The following NCEH1 variants were observed in gnomAD, a reference collection of about 807,000 sequenced individuals.
NCEH1 encodes the protein 2-acetyl MAGE hydrolase.
Under a neutral mutation model 25.4 loss-of-function variants are expected in NCEH1, and 9 were observed. That is an observed-to-expected ratio of 0.35 (90% CI 0.21 to 0.62). The LOEUF is 0.62. Among genes scored for constraint, NCEH1 ranks in the 20% least tolerant of loss-of-function variants. The pLI, the probability that NCEH1 is intolerant of heterozygous loss-of-function variation, is 0.72. For missense variants in NCEH1, 412 were observed against 501.1 expected (o/e 0.82, Z 1.70); for synonymous variants, 200 against 199.8 (o/e 1.00, Z -0.01).
intron 1 of NCEH1, among the ~76,000 whole-genome samples, chr3:172,680,178 G>A (rs1712260470): frequency 6.6e-6 from 1 of 152,132 alleles, no homozygotes; most frequent in African/African-American, 2.4e-5. Flanking sequence ...AATTAAAGGT[G>A]TGAAATAGAC....
At chr3:172,680,640 A>C (rs1337527303) in intron 1 of NCEH1, 1 of 144,032 alleles carries the variant, frequency 6.9e-6, no homozygotes, top group Non-Finnish European at 1.5e-5. Flanking sequence ...ATGACAGCCT[A>C]CTTTGGGGCC....
At chr3:172,652,596 TGAAGG>T (rs1717453089) in intron 1 of NCEH1, among the ~76,000 whole-genome samples, 1 of 152,238 alleles carries the variant, frequency 6.6e-6, no homozygotes, top group Non-Finnish European at 1.5e-5. Flanking sequence ...ACCTAAAGGA[TGAAGG>T]CTTAAAATAT....
In NCEH1 at chr3:172,630,269, A is replaced by G. The variant is rs564601303; in HGVS notation, c.*3206T>C. Reference sequence around the variant, plus strand: ...TAAACTCAAGTGTGAAATTAGATTTATTTGTAATGACAAGGTCAGTTTGAG... The same window carrying G: ...TAAACTCAAGTGTGAAATTAGATTTGTTTGTAATGACAAGGTCAGTTTGAG... On this transcript the variant is annotated 3_prime_UTR_variant, in exon 5 of 5. Transcript: ENST00000475381. 6 of 152,380 alleles carry G rather than the reference A, an allele frequency of 3.9e-5. No homozygotes were observed. The South Asian group carries it at 1.2e-3, about 32-fold the overall frequency. The allele number at this position is 152,380 out of a possible 1,614,324, so 9.4% of individuals were successfully genotyped here. A position where few individuals can be genotyped will look rare whatever the true frequency, so the allele number is the denominator to read the frequency against.
chr3:172,703,527 CAAAA>C (rs11462899), intron 1 of NCEH1, among the ~76,000 whole-genome samples: 1 of 80,604 alleles, frequency 1.2e-5, no homozygotes, highest in African/African-American at 4.7e-5. Flanking sequence ...GACTCTGTCT[CAAAA>C]AAAAAAAAAA....
At chr3:172,701,409 T>G (rs1039473257) in intron 1 of NCEH1, among the ~76,000 whole-genome samples, 7 of 150,748 alleles carry the variant, frequency 4.6e-5, no homozygotes, top group Admixed American at 2.0e-4. Context: ...TGTTAGTTCA[T>G]GCTCTCACCT....
At chr3:172,662,750 C>A (rs1417266686) in intron 1 of NCEH1, among the ~76,000 whole-genome samples, 3 of 152,110 alleles carry the variant, frequency 2.0e-5, no homozygotes, top group African/African-American at 7.2e-5. Flanking sequence ...AGTTTATTTG[C>A]GTAGAGGTGT....
chr3:172,679,695 G>A (rs1413123547), intron 1 of NCEH1, among the ~76,000 whole-genome samples: 2 of 152,008 alleles, frequency 1.3e-5, no homozygotes, highest in Non-Finnish European at 2.9e-5. Flanking sequence ...TAACAGAAAA[G>A]GTGGCTTAAA....
chr3:172,673,374 A>G lies in NCEH1; in HGVS notation c.139-25260T>C, dbSNP rs189411545. Among the ~76,000 whole-genome samples, 168 of 152,324 alleles carry G rather than the reference A, an allele frequency of 1.1e-3. 1 individual carries two copies. Among genetic ancestry groups the G allele is most frequent in the African/African-American group, 3.6e-3 (149 of 41,576 alleles). On this transcript the variant is annotated intron_variant, in intron 1 of 4. Transcript: ENST00000475381. ...GCAAACAGCCAGTGAAGCAAGAGGT[A>G]CATAAAGCAGGAGAGGCAGTAGTCA...
In NCEH1 at chr3:172,653,197, G is replaced by A. The variant is rs142435454; in HGVS notation, c.139-5083C>T. On this transcript the variant is annotated intron_variant, in intron 1 of 4. Coordinates refer to ENST00000475381, the MANE Select transcript of NCEH1 (RefSeq NM_020792.6). Reference sequence around the variant, plus strand: ...AGAATTCTGCCTAATGAGATGGAAGGGGATAAAGGGTACTCATTACGCCCC... The same window carrying A: ...AGAATTCTGCCTAATGAGATGGAAGAGGATAAAGGGTACTCATTACGCCCC... Among the ~76,000 whole-genome samples, 76 of 152,198 alleles carry A rather than the reference G, an allele frequency of 5.0e-4. No homozygotes were observed. The East Asian group carries it at 0.014, about 29-fold the overall frequency.
At chr3:172,647,837 C>T (rs1359456790) in intron 2 of NCEH1, 49 bp downstream of exon 2, 6 of 1,608,840 alleles carry the variant, frequency 3.7e-6, no homozygotes, top group Non-Finnish European at 4.2e-6. Flanking sequence ...ACGCATCTCC[C>T]CCAAGGCCAA....
At chr3:172,700,260 T>C (rs773561294) in intron 1 of NCEH1, among the ~76,000 whole-genome samples, 7 of 152,110 alleles carry the variant, frequency 4.6e-5, no homozygotes, top group Non-Finnish European at 8.8e-5. Flanking sequence ...TCATACAGAT[T>C]TCCCCAAAAT....
intron 1 of NCEH1, among the ~76,000 whole-genome samples, chr3:172,667,217 G>A (rs1293589986): frequency 1.3e-5 from 2 of 152,178 alleles, no homozygotes; most frequent in Non-Finnish European, 2.9e-5. Context: ...CGGCCATTCG[G>A]TTCCTATGTA....
chr3:172,697,091 ATT>A (rs774616762), intron 1 of NCEH1, among the ~76,000 whole-genome samples: 2 of 144,518 alleles, frequency 1.4e-5, no homozygotes, highest in Non-Finnish European at 1.5e-5. Flanking sequence ...TGCCCAGCTA[ATT>A]TTTTTTTTTT....
intron 1 of NCEH1, among the ~76,000 whole-genome samples, chr3:172,661,827 C>T (rs1483307792): frequency 3.1e-5 from 4 of 131,080 alleles, no homozygotes; most frequent in Non-Finnish European, 7.1e-5. Flanking sequence ...GATTTTGTAT[C>T]CTGAGACTTT....
chr3:172,670,646 T>A (rs949447118), intron 1 of NCEH1, among the ~76,000 whole-genome samples: 2 of 152,190 alleles, frequency 1.3e-5, no homozygotes, highest in African/African-American at 4.8e-5. Context: ...ATCCTCCCCA[T>A]ATATTGGCAG....
intron 3 of NCEH1, among the ~76,000 whole-genome samples, chr3:172,639,063 G>C (rs748065578): frequency 2.6e-5 from 4 of 152,122 alleles, no homozygotes; most frequent in Non-Finnish European, 2.9e-5. Flanking sequence ...CACCTGGGGA[G>C]GCCAAGGTGC....
intron 1 of NCEH1, among the ~76,000 whole-genome samples, chr3:172,688,869 T>C (rs1712862047): frequency 6.6e-6 from 1 of 152,158 alleles, no homozygotes; most frequent in Non-Finnish European, 1.5e-5. Flanking sequence ...CATGCAGGAT[T>C]CTACAACCCA....
chr3:172,651,852 C>T (rs1374466610), intron 1 of NCEH1, among the ~76,000 whole-genome samples: 1 of 152,146 alleles, frequency 6.6e-6, no homozygotes, highest in Non-Finnish European at 1.5e-5. Context: ...AGCCACCGCG[C>T]CCGGCCGAGA....
rs746723733 is a variant in NCEH1 at position 172,710,973 on chromosome 3, G to A, written c.12C>T (p.Ser4=). MRS[S]CVLLTALVAL... ...CCACCAGGGCGGTGAGCAGGACACA[G>A]GACGACCTCATCTTGCCCTGGCTCG... The change falls in exon 1 of 5, where the codon TCC becomes TCT. Residue 4 remains serine (S), a synonymous_variant. Coordinates refer to ENST00000475381, the MANE Select transcript of NCEH1 (RefSeq NM_020792.6). 4.3e-6 allele frequency: 7 copies of A among 1,614,148 alleles called. No individual in the cohort carries two copies. Among genetic ancestry groups the A allele is most frequent in the Middle Eastern group, 1.6e-4 (1 of 6,062 alleles).
Sources: allele counts gnomAD v4.1 joint callset (sites outside exome capture counted in the v4.1 genomes callset), GRCh38; gene constraint gnomAD v4.1.1; transcripts MANE v1.5; gene names NCBI Gene and HGNC (gene_info 2026-07-23, HGNC 2026-07-21).